Variants in PMVK observed in about 807,000 individuals in gnomAD.
PMVK encodes testis tissue sperm-binding protein Li 95mP.
Under a neutral mutation model 19.0 loss-of-function variants are expected in PMVK, and 10 were observed. The ratio of observed to expected loss-of-function variants is 0.53; its 90% CI spans 0.32 to 0.89. The LOEUF (loss-of-function observed/expected upper bound fraction) is 0.89. Among genes scored for constraint, PMVK ranks in the 40% least tolerant of loss-of-function variants. PMVK has a pLI of 0.03. For synonymous variants in PMVK, 108 were observed against 101.6 expected (o/e 1.06, Z -0.38); for missense variants, 222 against 251.1 (o/e 0.88, Z 0.78).
At chr1:154,936,888 G>A, upstream of PMVK, 1 of 572,668 alleles carries the variant, frequency 1.7e-6, no homozygotes. Flanking sequence ...AGAAAAGGGT[G>A]AGACACGCGG....
intron 2 of PMVK, 79 bp from the exon 3 acceptor site, chr1:154,929,255 C>G (rs1313936833): frequency 2.2e-6 from 3 of 1,334,508 alleles, no homozygotes; most frequent in African/African-American, 2.9e-5. Flanking sequence ...AGAGCCATCC[C>G]TCACCCTCAC....
At chr1:154,925,369 T>C in intron 4 of PMVK, 104 bp from the exon 5 acceptor site, 2 of 1,274,194 alleles carry the variant, frequency 1.6e-6, no homozygotes, top group Non-Finnish European at 2.3e-6. Context: ...GCCTCTCCTC[T>C]GCTACCCTAG....
intron 2 of PMVK, among the ~76,000 whole-genome samples, chr1:154,929,674 T>C (rs535848325): frequency 6.6e-6 from 1 of 151,692 alleles, no homozygotes; most frequent in Non-Finnish European, 1.5e-5. Flanking sequence ...CCTGGCGCCT[T>C]TGCTGAAACA....
intron 4 of PMVK, among the ~76,000 whole-genome samples, 190 bp from the exon 5 acceptor site, chr1:154,925,455 C>A (rs576162717): frequency 6.6e-6 from 1 of 152,340 alleles, no homozygotes; most frequent in African/African-American, 2.4e-5. Flanking sequence ...AGCCCATAGC[C>A]ACCTGGGCCT....
In PMVK at chr1:154,925,047, A is replaced by C; in HGVS notation, c.*82T>G. On this transcript the variant is annotated 3_prime_UTR_variant, in exon 5 of 5. Coordinates refer to ENST00000368467, the MANE Select transcript of PMVK (RefSeq NM_006556.4). ...CCCCTGTCTGTTCCTCACCTCGGCC[A>C]GGATCGGGGGACACCCCCATTTTGC... 5.1e-5 allele frequency: 42 copies of C among 828,812 alleles called. No homozygotes were observed. The highest frequency in any genetic ancestry group is 8.0e-5 in the Admixed American group (3 of 37,664). 51.3% of individuals were successfully genotyped at this position (828,812 alleles called of 1,614,324 possible).
chr1:154,925,303 C>A (rs1224627434), intron 4 of PMVK, 38 bp from the exon 5 acceptor site: 1 of 1,612,026 alleles, frequency 6.2e-7, no homozygotes, highest in Non-Finnish European at 8.5e-7. Context: ...CCTCAGCCCT[C>A]CAGACAGACA....
chr1:154,929,275 C>T (rs944327114), intron 2 of PMVK, 99 bp from the exon 3 acceptor site: 15 of 1,131,074 alleles, frequency 1.3e-5, no homozygotes, highest in Non-Finnish European at 2.0e-5. Flanking sequence ...CCTGCCTCCC[C>T]CAGGGCTGAT....
At chr1:154,937,841 G>C (rs562377474), upstream of PMVK, 1 of 152,182 alleles carries the variant, frequency 6.6e-6, no homozygotes, top group South Asian at 2.1e-4. Context: ...TTTGTTTTTT[G>C]GGGTTTTTTT....
intron 1 of PMVK, among the ~76,000 whole-genome samples, chr1:154,934,030 C>G (rs890245946): frequency 6.6e-6 from 1 of 152,062 alleles, no homozygotes; most frequent in African/African-American, 2.4e-5. Context: ...GACTGAGTCT[C>G]ACTCTGTAGC....
At chr1:154,927,118 C>T (rs190557997) in intron 3 of PMVK, among the ~76,000 whole-genome samples, 49 of 152,206 alleles carry the variant, frequency 3.2e-4, no homozygotes, top group Admixed American at 1.3e-4. Flanking sequence ...TCTACGTTTG[C>T]TCCCCTCTGC....
intron 2 of PMVK, among the ~76,000 whole-genome samples, chr1:154,931,940 C>T (rs1009490010): frequency 6.6e-6 from 1 of 152,130 alleles, no homozygotes; most frequent in South Asian, 2.1e-4. Flanking sequence ...CTACCTGCCT[C>T]GGCCTCCCAA....
upstream of PMVK, among the ~76,000 whole-genome samples, chr1:154,939,543 C>A (rs1269476159): frequency 1.6e-3 from 234 of 148,502 alleles, no homozygotes; most frequent in African/African-American, 3.4e-3. Context: ...AAAAAAAAAA[C>A]AAAACAGCCA....
upstream of PMVK, chr1:154,937,102 C>T (rs1654534500): frequency 5.7e-6 from 1 of 175,250 alleles, no homozygotes; most frequent in African/African-American, 2.4e-5. Context: ...ATGTTCCCTT[C>T]CGCGCAGCCC....
chr1:154,926,159 G>A (rs1654151952), intron 4 of PMVK, among the ~76,000 whole-genome samples, 195 bp downstream of exon 4: 1 of 152,182 alleles, frequency 6.6e-6, no homozygotes, highest in Non-Finnish European at 1.5e-5. Flanking sequence ...CAGCCCACTG[G>A]CCATGAGAAG....
chr1:154,926,584 A>G (rs1294606127), intron 3 of PMVK, 101 bp from the exon 4 acceptor site: 1 of 952,046 alleles, frequency 1.1e-6, no homozygotes, highest in Admixed American at 2.3e-5. Flanking sequence ...GTGTGGCTCT[A>G]CCCCCCCATC....
intron 2 of PMVK, among the ~76,000 whole-genome samples, chr1:154,932,046 G>C (rs1315965239): frequency 1.3e-5 from 2 of 152,166 alleles, no homozygotes; most frequent in South Asian, 4.1e-4. Flanking sequence ...CTGAGTGAGA[G>C]GGTGGTGTGA....
rs2798596 is a variant in PMVK, at chr1:154,928,215, G to C, written c.312+809C>G. Among the ~76,000 whole-genome samples, 113 of 152,318 alleles carry C rather than the reference G, an allele frequency of 7.4e-4. 2 individuals are homozygous for C. The South Asian group carries it at 0.018, about 24-fold the overall frequency. On this transcript the variant is annotated intron_variant, in intron 3 of 4. Coordinates refer to ENST00000368467, the MANE Select transcript of PMVK (RefSeq NM_006556.4). ...GTCAACTGAGCTGAAGCTAACCAGGGAAAGAGAAAGAAAGGGCAGTCCAGA... is the reference window on the plus strand; with the variant it reads ...GTCAACTGAGCTGAAGCTAACCAGGCAAAGAGAAAGAAAGGGCAGTCCAGA...
chr1:154,937,113 T>G, upstream of PMVK: 1 of 169,022 alleles, frequency 5.9e-6, no homozygotes. Context: ...CGCGCAGCCC[T>G]AAAACTTTAG....
chr1:154,940,686 A>G (rs2101978064), upstream of PMVK, among the ~76,000 whole-genome samples: 1 of 152,280 alleles, frequency 6.6e-6, no homozygotes, highest in East Asian at 1.9e-4. Flanking sequence ...TCCTGGCACC[A>G]TTAAGAGAGT....
Sources: allele counts gnomAD v4.1 joint callset (sites outside exome capture counted in the v4.1 genomes callset), GRCh38; gene constraint gnomAD v4.1.1; transcripts MANE v1.5; gene names NCBI Gene and HGNC (gene_info 2026-07-23, HGNC 2026-07-21).